ST6GALNAC2: variants seen among roughly 807,000 people sequenced by gnomAD.
ST6GALNAC2 encodes alpha-N-acetylgalactosaminide alpha-2,6-sialyltransferase 2.
Under a neutral mutation model 38.7 loss-of-function variants are expected in ST6GALNAC2, and 42 were observed. That is an observed-to-expected ratio of 1.09 (90% CI 0.85 to 1.40). The LOEUF (loss-of-function observed/expected upper bound fraction) is 1.40. Ranked by LOEUF, ST6GALNAC2 falls within the 40% of genes most tolerant of loss-of-function variation. The pLI is 0.00. For missense variants in ST6GALNAC2, 506 were observed against 481.7 expected, an observed-to-expected ratio of 1.05 and a Z score of -0.47; for synonymous variants, 233 against 209.0, an observed-to-expected ratio of 1.11 and a Z score of -0.99.
chr17:76,567,361 C>T, intron 8 of ST6GALNAC2, 92 bp downstream of exon 8: 2 of 912,470 alleles, frequency 2.2e-6, no homozygotes, highest in South Asian at 2.8e-5. Context: ...CCAAGAGTCC[C>T]AGCTCCGAGG....
At chr17:76,574,307 G>A in intron 3 of ST6GALNAC2, 58 bp downstream of exon 3, 15 of 1,572,218 alleles carry the variant, frequency 9.5e-6, no homozygotes, top group Admixed American at 5.2e-5. Context: ...GCCTACTTCA[G>A]GGCAAAGAGC....
Position 76,570,641 on chromosome 17 carries a change from C to G in ST6GALNAC2, c.697G>C (p.Asp233His), listed in dbSNP as rs2075342805. The change falls in exon 6 of 9, where the codon GAC (aspartate) becomes CAC (histidine). Residue 233 changes from aspartate (D) to histidine (H), a missense_variant. Physicochemically the swap from Asp to His is moderately conservative, Grantham distance 81. Coordinates refer to ENST00000225276, the MANE Select transcript of ST6GALNAC2 (RefSeq NM_006456.3). ...CTCAGCATCACATAGTCGCGGATGT[C>G]TGAGGGGATGAAGATATACTGCAGG... ...QDLQYIFIPS[D>H]IRDYVMLRSA... 6.2e-7 allele frequency: 1 copy of G among 1,612,772 alleles called. No homozygotes were observed. Among genetic ancestry groups the G allele is most frequent in the African/African-American group, 1.3e-5 (1 of 74,884 alleles).
chr17:76,576,750 C>A (rs544258560), intron 2 of ST6GALNAC2, among the ~76,000 whole-genome samples: 1 of 152,188 alleles, frequency 6.6e-6, no homozygotes, highest in African/African-American at 2.4e-5. Context: ...GTGGGTGGAT[C>A]ACCTAAGTTC....
intron 6 of ST6GALNAC2, 157 bp downstream of exon 6, chr17:76,570,408 G>A (rs1598247339): frequency 1.6e-6 from 1 of 608,322 alleles, no homozygotes; most frequent in Non-Finnish European, 2.9e-6. Flanking sequence ...GTGCTGTTAT[G>A]TGAATAATTG....
rs561285582 is a variant in ST6GALNAC2, at chr17:76,585,122, T to C, written c.125+562A>G. Among the ~76,000 whole-genome samples, 184 of 152,222 alleles carry C rather than the reference T, an allele frequency of 1.2e-3. 1 individual carries two copies. The highest frequency in any genetic ancestry group is 4.0e-3 in the African/African-American group (167 of 41,540). On this transcript the variant is annotated intron_variant, in intron 1 of 8. Coordinates refer to ENST00000225276, the MANE Select transcript of ST6GALNAC2 (RefSeq NM_006456.3). The stretch of plus-strand genomic sequence containing the variant: ...CCTCGGGCGCCCGCCTCTTCGCGGA[T>C]CGCGCCCGCACTGGGCTTATCCAGA...
At chr17:76,580,089 G>T (rs983156139) in intron 1 of ST6GALNAC2, among the ~76,000 whole-genome samples, 1 of 152,080 alleles carries the variant, frequency 6.6e-6, no homozygotes, top group Non-Finnish European at 1.5e-5. Flanking sequence ...TTGTTAGGAG[G>T]GTTCAAACAG....
rs2075391290 is a variant in ST6GALNAC2 at position 76,574,512 on chromosome 17, G to C, written c.214C>G (p.Leu72Val). 2 of 1,613,222 alleles carry C rather than the reference G, an allele frequency of 1.2e-6. No individual in the cohort carries two copies. The highest frequency in any genetic ancestry group is 1.7e-6 in the Non-Finnish European group (2 of 1,179,710). The change falls in exon 3 of 9, where the codon CTG becomes GTG. Residue 72 changes from leucine to valine, a missense_variant. Coordinates refer to ENST00000225276, the MANE Select transcript of ST6GALNAC2 (RefSeq NM_006456.3). ...AAGTGGGGGTGCCGCTGAATGGCCA[G>C]GTGAAGCAGGTGTCGGCAGGCCTGG... ...KGQACRHLLH[L>V]AIQRHPHFRG...
chr17:76,573,507 G>T lies in ST6GALNAC2; in HGVS notation c.362-144C>A. On this transcript the variant is annotated intron_variant, in intron 3 of 8. Transcript: ENST00000225276. The surrounding 1 kb of genome is among the most constrained non-coding windows in gnomAD (Gnocchi z 5.1). ...GAAGCACAGAGGGTGGGAGGGGAAG[G>T]AGATGTCTGTGGGGGGAGAATTGAA... 1.3e-6 allele frequency: 1 copy of T among 786,810 alleles called. No individual in the cohort carries two copies. Among genetic ancestry groups the T allele is most frequent in the Non-Finnish European group, 1.9e-6 (1 of 535,052 alleles). The allele number at this position is 786,810 out of a possible 1,614,324, so 48.7% of individuals were successfully genotyped here. A position where few individuals can be genotyped will look rare whatever the true frequency, so the allele number is the denominator to read the frequency against.
chr17:76,570,540 A>G, intron 6 of ST6GALNAC2, 25 bp downstream of exon 6: 1 of 1,557,982 alleles, frequency 6.4e-7, no homozygotes, highest in Non-Finnish European at 8.8e-7. Context: ...GCCACGCCCC[A>G]CACCACCACG....
intron 6 of ST6GALNAC2, chr17:76,569,458 G>A (rs2075327396): frequency 2.7e-6 from 1 of 368,912 alleles, no homozygotes. Flanking sequence ...GGGGTTCAGG[G>A]ACGAAGTCCG....
chr17:76,568,862 G>A (rs914986117), intron 6 of ST6GALNAC2, 66 bp from the exon 7 acceptor site: 18 of 1,537,872 alleles, frequency 1.2e-5, no homozygotes, highest in Non-Finnish European at 1.6e-5. Context: ...GAGATGGAGG[G>A]GAGGGTCAGG....
Position 76,567,450 on chromosome 17 carries a change from T to C in ST6GALNAC2, c.957+3A>G. The C allele has an allele frequency of 6.2e-7, 1 of 1,611,096 alleles. No homozygotes were observed. Among genetic ancestry groups the C allele is most frequent in the Non-Finnish European group, 8.5e-7 (1 of 1,177,378 alleles). On this transcript the variant is annotated splice_donor_region_variant and intron_variant, in intron 8 of 8. Transcript: ENST00000225276. ...TGGGCTTCTGGAAGAGAAGGCCTCT[T>C]ACCTGGTCACAGGTATGCAAAGCTG...
At chr17:76,570,958 A>C (rs1376691550) in intron 5 of ST6GALNAC2, 6 of 351,676 alleles carry the variant, frequency 1.7e-5, no homozygotes, top group Non-Finnish European at 3.2e-5. Context: ...TGTGGCTTAG[A>C]GACTAGGTCA....
At chr17:76,570,962 T>C (rs997273556) in intron 5 of ST6GALNAC2, 1 of 296,062 alleles carries the variant, frequency 3.4e-6, no homozygotes, top group African/African-American at 2.1e-5. Context: ...GCTTAGAGAC[T>C]AGGTCATAAA....
chr17:76,569,004 G>A lies in ST6GALNAC2; in HGVS notation c.774-208C>T, dbSNP rs138963183. On this transcript the variant is annotated intron_variant, in intron 6 of 8. Coordinates refer to ENST00000225276, the MANE Select transcript of ST6GALNAC2 (RefSeq NM_006456.3). Reference sequence around the variant, plus strand: ...GCTTCCCGCTCACCAGGACCTCCACGGGCGGGGTGTAGGAGAGAGAGGAGG... The same window carrying A: ...GCTTCCCGCTCACCAGGACCTCCACAGGCGGGGTGTAGGAGAGAGAGGAGG... 4.9e-4 allele frequency: 286 copies of A among 579,260 alleles called. 4 individuals are homozygous for A. The East Asian group carries it at 6.6e-3, about 13-fold the overall frequency. The allele number at this position is 579,260 out of a possible 1,614,324, so 35.9% of individuals were successfully genotyped here.
intron 1 of ST6GALNAC2, 72 bp from the exon 2 acceptor site, chr17:76,578,888 G>A (rs2075446510): frequency 2.2e-6 from 3 of 1,388,404 alleles, no homozygotes; most frequent in Non-Finnish European, 2.0e-6. Context: ...TGGACTGACC[G>A]ACCCCCTTAG....
Position 76,565,390 on chromosome 17 carries a change from G to A in ST6GALNAC2, c.*714C>T, listed in dbSNP as rs1428175191. ...CTGACGCCATGATATGAGGATGAAG[G>A]TTTATTACCTGGTGACATCATCCTG... On this transcript the variant is annotated 3_prime_UTR_variant, in exon 9 of 9. Transcript: ENST00000225276. 1.7e-5 allele frequency: 1 copy of A among 58,616 alleles called. No individual in the cohort carries two copies. Among genetic ancestry groups the A allele is most frequent in the Non-Finnish European group, 3.9e-5 (1 of 25,938 alleles). The allele number at this position is 58,616 out of a possible 1,614,324, so 3.6% of individuals were successfully genotyped here. A position where few individuals can be genotyped will look rare whatever the true frequency, so the allele number is the denominator to read the frequency against.
intron 8 of ST6GALNAC2, among the ~76,000 whole-genome samples, chr17:76,567,190 A>G (rs2120885): frequency 0.66 from 99,577 of 151,988 alleles, 33,216 homozygotes; most frequent in East Asian, 0.79. Context: ...GAAAGAAGGA[A>G]GCCTGGGGCA....
In ST6GALNAC2 at chr17:76,585,833, G is replaced by C; in HGVS notation, c.-25C>G. ...TACAGCCCCGGCCCGCGAGCGCCCC[G>C]TCCGCTGACGTCCCAGGCAGAAGGG... On this transcript the variant is annotated 5_prime_UTR_variant, in exon 1 of 9. Coordinates refer to ENST00000225276, the MANE Select transcript of ST6GALNAC2 (RefSeq NM_006456.3). 1 of 1,516,372 alleles carries C rather than the reference G, an allele frequency of 6.6e-7. No individual in the cohort carries two copies. Among genetic ancestry groups the C allele is most frequent in the Admixed American group, 2.1e-5 (1 of 48,474 alleles). 93.9% of individuals were successfully genotyped at this position (1,516,372 alleles called of 1,614,324 possible). A position where few individuals can be genotyped will look rare whatever the true frequency, so the allele number is the denominator to read the frequency against.
Sources: gnomAD v4.1 joint callset for allele counts (sites outside exome capture counted in the v4.1 genomes callset) on GRCh38, gnomAD v4.1.1 for gene constraint, Gnocchi (gnomAD v3.1) non-coding constraint, MANE v1.5 for transcripts, NCBI Gene and HGNC (gene_info 2026-07-23, HGNC 2026-07-21) for gene names.